Variants in ADGRL3 observed in about 807,000 individuals in gnomAD.
ADGRL3 encodes the protein adhesion G protein-coupled receptor L3.
In ADGRL3, 62 loss-of-function variants were observed where a neutral mutation model predicts 153.5. That is an observed-to-expected ratio of 0.40 (90% CI 0.33 to 0.50). The LOEUF is 0.50. Ranked by LOEUF, ADGRL3 falls within the 20% of genes least tolerant of loss-of-function variation. The pLI is 0.47. For synonymous variants in ADGRL3, 710 were observed against 672.5 expected (o/e 1.06, Z -0.86); for missense variants, 1,641 against 1,859.4 (o/e 0.88, Z 2.16).
chr4:61,932,594 T>C (rs946643109), intron 13 of ADGRL3, among the ~76,000 whole-genome samples: 49 of 152,166 alleles, frequency 3.2e-4, no homozygotes, highest in African/African-American at 1.2e-3. Flanking sequence ...TTGTTGAGAA[T>C]TTTTGCATCT....
At chr4:61,841,119 C>T (rs1054869334) in intron 9 of ADGRL3, among the ~76,000 whole-genome samples, 2 of 152,146 alleles carry the variant, frequency 1.3e-5, no homozygotes, top group Non-Finnish European at 2.9e-5. Flanking sequence ...TACCTCCTCC[C>T]CCTTTCTTTC....
intron 21 of ADGRL3, among the ~76,000 whole-genome samples, chr4:62,007,464 GTGTGTGTA>G (rs2099165600): frequency 8.3e-6 from 1 of 120,080 alleles, no homozygotes; most frequent in Non-Finnish European, 1.7e-5. Flanking sequence ...ATACATATAT[GTGTGTGTA>G]TATATATATA....
At chr4:61,208,293 T>C (rs1738273734) in intron 1 of ADGRL3, among the ~76,000 whole-genome samples, 1 of 152,198 alleles carries the variant, frequency 6.6e-6, no homozygotes, top group Non-Finnish European at 1.5e-5. Context: ...ACCTGATCTC[T>C]CTATGCTTTA....
intron 4 of ADGRL3, among the ~76,000 whole-genome samples, chr4:61,541,301 T>A (rs773665274): frequency 1.4e-4 from 21 of 151,266 alleles, no homozygotes; most frequent in Middle Eastern, 3.5e-3. Flanking sequence ...AACAGCTGGC[T>A]GTCAGTGAGG....
intron 2 of ADGRL3, among the ~76,000 whole-genome samples, chr4:61,486,134 C>T (rs1156900488): frequency 6.6e-6 from 1 of 151,904 alleles, no homozygotes; most frequent in Non-Finnish European, 1.5e-5. Flanking sequence ...TTAGTAGAGA[C>T]GGAGTTTCAC....
At chr4:61,471,931 T>C (rs191577939) in intron 2 of ADGRL3, among the ~76,000 whole-genome samples, 27 of 152,190 alleles carry the variant, frequency 1.8e-4, no homozygotes, top group Non-Finnish European at 2.8e-4. Flanking sequence ...ATAATACGAT[T>C]ATTTATTACA....
intron 4 of ADGRL3, among the ~76,000 whole-genome samples, chr4:61,585,459 C>T (rs1347998565): frequency 1.3e-5 from 2 of 151,796 alleles, no homozygotes; most frequent in African/African-American, 4.8e-5. Context: ...TTTTTCACCT[C>T]CCTGCCTCTC....
At chr4:61,881,441 C>G (rs941179011) in intron 9 of ADGRL3, among the ~76,000 whole-genome samples, 1 of 152,102 alleles carries the variant, frequency 6.6e-6, no homozygotes, top group African/African-American at 2.4e-5. Flanking sequence ...TGCAGTGGTG[C>G]AATCTTGGCT....
chr4:61,922,003 T>C (rs1581471976), intron 13 of ADGRL3, among the ~76,000 whole-genome samples: 1 of 152,152 alleles, frequency 6.6e-6, no homozygotes, highest in Admixed American at 6.6e-5. Flanking sequence ...AACTAAATAA[T>C]GGAATACTTC....
intron 6 of ADGRL3, among the ~76,000 whole-genome samples, chr4:61,730,331 A>G (rs2096417826): frequency 6.6e-6 from 1 of 151,830 alleles, no homozygotes; most frequent in African/African-American, 2.4e-5. Flanking sequence ...TGAATATTGC[A>G]TTTCCTGTGT....
chr4:61,563,446 A>G (rs527415508), intron 4 of ADGRL3, among the ~76,000 whole-genome samples: 1 of 152,262 alleles, frequency 6.6e-6, no homozygotes, highest in South Asian at 2.1e-4. Flanking sequence ...GGCTCAACTT[A>G]AAGTCACCAG....
intron 1 of ADGRL3, among the ~76,000 whole-genome samples, chr4:61,240,529 A>C (rs1412881000): frequency 6.6e-6 from 1 of 152,294 alleles, no homozygotes; most frequent in South Asian, 2.1e-4. Context: ...CTAAACATCT[A>C]TGAAACAGAT....
chr4:61,405,817 C>T (rs1010062648), intron 2 of ADGRL3, among the ~76,000 whole-genome samples: 3 of 151,858 alleles, frequency 2.0e-5, no homozygotes, highest in Non-Finnish European at 2.9e-5. Context: ...CATTACTCTG[C>T]GTAGTGGTCA....
intron 5 of ADGRL3, among the ~76,000 whole-genome samples, chr4:61,653,771 C>T (rs141717439): frequency 1.3e-4 from 20 of 152,264 alleles, no homozygotes; most frequent in Middle Eastern, 3.4e-3. Context: ...GGATATCATT[C>T]ACCTCTCTTG....
chr4:61,616,097 A>G (rs1226246304), intron 5 of ADGRL3, among the ~76,000 whole-genome samples: 1 of 152,164 alleles, frequency 6.6e-6, no homozygotes, highest in Non-Finnish European at 1.5e-5. Context: ...TCCAAAAGAT[A>G]TTTATTTTTA....
chr4:61,824,215 A>G (rs1354921078), intron 9 of ADGRL3, among the ~76,000 whole-genome samples: 1 of 152,162 alleles, frequency 6.6e-6, no homozygotes, highest in East Asian at 1.9e-4. Context: ...CATATCTACT[A>G]TTTACTCACC....
Position 61,730,649 on chromosome 4 carries a change from C to T in ADGRL3, c.598+13C>T, listed in dbSNP as rs2096423910. 1.8e-6 allele frequency: 1 copy of T among 559,322 alleles called. No homozygotes were observed. The highest frequency in any genetic ancestry group is 1.9e-5 in the African/African-American group (1 of 51,790). The allele number at this position is 559,322 out of a possible 1,614,324, so 34.6% of individuals were successfully genotyped here. On this transcript the variant is annotated intron_variant, in intron 7 of 26. Transcript: ENST00000683033. ...GTGGAACAAAAAGGTAATTAAATAC[C>T]TTTCATAAATTATATACTATTTATA...
intron 9 of ADGRL3, among the ~76,000 whole-genome samples, chr4:61,822,046 T>A (rs945118094): frequency 1.2e-4 from 18 of 152,192 alleles, no homozygotes; most frequent in African/African-American, 4.3e-4. Flanking sequence ...TTCTCTAATA[T>A]TCTACGATGA....
chr4:61,305,546 A>G (rs2094747253), intron 1 of ADGRL3, among the ~76,000 whole-genome samples: 1 of 152,178 alleles, frequency 6.6e-6, no homozygotes, highest in Non-Finnish European at 1.5e-5. Context: ...ACTCAGCTTC[A>G]GTGATTGTAG....
Sources: allele counts gnomAD v4.1 joint callset (sites outside exome capture counted in the v4.1 genomes callset), GRCh38; gene constraint gnomAD v4.1.1; transcripts MANE v1.5; gene names NCBI Gene and HGNC (gene_info 2026-07-23, HGNC 2026-07-21).